The following CTNND2 variants were observed in gnomAD, a reference collection of about 807,000 sequenced individuals.
CTNND2 encodes catenin delta-2.
Under a neutral mutation model 144.4 loss-of-function variants are expected in CTNND2, and 22 were observed. That is an observed-to-expected ratio of 0.15 (90% CI 0.11 to 0.22). CTNND2 has a LOEUF of 0.22. Ranked by LOEUF, CTNND2 falls within the 10% of genes least tolerant of loss-of-function variation. The probability of loss-of-function intolerance (pLI) is 1.00; values close to 1 mark genes in which losing one functional copy is unlikely to be tolerated. For missense variants in CTNND2, 1,353 were observed against 1,618.8 expected (o/e 0.84, Z 2.82); for synonymous variants, 751 against 695.6 (o/e 1.08, Z -1.25).
At chr5:11,125,389 G>A (rs966654037) in intron 12 of CTNND2, among the ~76,000 whole-genome samples, 7 of 152,252 alleles carry the variant, frequency 4.6e-5, no homozygotes, top group African/African-American at 1.4e-4. Flanking sequence ...TCACAAAAGT[G>A]GCTTCTCCTG....
intron 3 of CTNND2, among the ~76,000 whole-genome samples, chr5:11,512,016 A>G (rs1185052277): frequency 6.6e-6 from 1 of 151,994 alleles, no homozygotes; most frequent in Non-Finnish European, 1.5e-5. Context: ...TGGGACAAAG[A>G]CTCCTTTATT....
chr5:11,070,959 C>A (rs780673205), intron 16 of CTNND2, among the ~76,000 whole-genome samples: 1 of 142,486 alleles, frequency 7.0e-6, no homozygotes, highest in African/African-American at 2.7e-5. Flanking sequence ...AGGAGGAGTG[C>A]GTAGGGGAGG....
chr5:11,890,466 T>A (rs1053570579), intron 1 of CTNND2, among the ~76,000 whole-genome samples: 6 of 152,190 alleles, frequency 3.9e-5, no homozygotes, highest in Non-Finnish European at 5.9e-5. Flanking sequence ...TTCATATTGA[T>A]CTCTCACATC....
intron 9 of CTNND2, among the ~76,000 whole-genome samples, chr5:11,240,625 C>T (rs560567811): frequency 3.5e-4 from 47 of 134,470 alleles, no homozygotes; most frequent in East Asian, 7.4e-4. Flanking sequence ...CCAACACAGA[C>T]GTACATACAC....
At chr5:11,606,100 G>A (rs181001598) in intron 2 of CTNND2, among the ~76,000 whole-genome samples, 12 of 152,228 alleles carry the variant, frequency 7.9e-5, no homozygotes, top group African/African-American at 1.4e-4. Flanking sequence ...AAAGATGGAG[G>A]AATGAAGCCA....
chr5:11,177,719 T>C (rs1207028561), intron 11 of CTNND2, among the ~76,000 whole-genome samples: 1 of 152,192 alleles, frequency 6.6e-6, no homozygotes, highest in East Asian at 1.9e-4. Context: ...TGGAAATTTA[T>C]ATCATCCATC....
At chr5:11,892,883 C>G (rs1414916358) in intron 1 of CTNND2, among the ~76,000 whole-genome samples, 3 of 152,194 alleles carry the variant, frequency 2.0e-5, no homozygotes, top group Admixed American at 6.5e-5. Flanking sequence ...TTTCAAAATT[C>G]TTATCCTCCC....
intron 2 of CTNND2, among the ~76,000 whole-genome samples, chr5:11,643,465 T>C (rs1782175632): frequency 1.4e-5 from 2 of 146,354 alleles, no homozygotes; most frequent in South Asian, 2.2e-4. Flanking sequence ...AATTCCCACC[T>C]ATGAGTGAGA....
At chr5:11,237,230 A>G (rs959604233) in intron 9 of CTNND2, among the ~76,000 whole-genome samples, 18 of 152,100 alleles carry the variant, frequency 1.2e-4, no homozygotes, top group African/African-American at 4.3e-4. Context: ...TGTGTTAGCC[A>G]GGATGATCTC....
chr5:11,539,709 C>T (rs1225609170), intron 3 of CTNND2, among the ~76,000 whole-genome samples: 1 of 152,206 alleles, frequency 6.6e-6, no homozygotes, highest in East Asian at 1.9e-4. Context: ...GGCACTGCCA[C>T]ATGCTTGTTC....
At chr5:10,978,851 A>G (rs968056790) in intron 21 of CTNND2, among the ~76,000 whole-genome samples, 1 of 152,200 alleles carries the variant, frequency 6.6e-6, no homozygotes, top group Admixed American at 6.5e-5. Context: ...TTAGCACATT[A>G]ATTCTCATTT....
At chr5:11,580,353 A>T (rs1275144062) in intron 2 of CTNND2, among the ~76,000 whole-genome samples, 1 of 152,210 alleles carries the variant, frequency 6.6e-6, no homozygotes, top group Admixed American at 6.5e-5. Flanking sequence ...GAATGAATAC[A>T]TATTTATGGG....
intron 1 of CTNND2, among the ~76,000 whole-genome samples, chr5:11,778,334 G>C (rs1489160030): frequency 1.3e-5 from 2 of 151,984 alleles, no homozygotes; most frequent in Non-Finnish European, 2.9e-5. Flanking sequence ...GTGGTGCGGG[G>C]AAGAAGACAG....
intron 1 of CTNND2, among the ~76,000 whole-genome samples, chr5:11,883,395 T>G (rs1736277272): frequency 6.6e-6 from 1 of 152,152 alleles, no homozygotes; most frequent in East Asian, 1.9e-4. Flanking sequence ...CGTGTTCTCC[T>G]TATTCAGCTC....
At chr5:11,321,185 G>A (rs1751994311) in intron 9 of CTNND2, among the ~76,000 whole-genome samples, 1 of 152,128 alleles carries the variant, frequency 6.6e-6, no homozygotes, top group Admixed American at 6.5e-5. Context: ...CGGGAAAATT[G>A]ACATAAAAAT....
chr5:11,476,037 T>TCTA (rs1561449194), intron 3 of CTNND2, among the ~76,000 whole-genome samples: 1 of 150,590 alleles, frequency 6.6e-6, no homozygotes, highest in African/African-American at 2.4e-5. Flanking sequence ...TTTTTCTATT[T>TCTA]TTTTTTTTTT....
Position 11,584,715 on chromosome 5 carries a change from T to A in CTNND2, c.175-19659A>T, listed in dbSNP as rs1209817146. ...AACAAAAATGCACCCACTTTTGCTCTGTTTTCTAGGTAAGCTAGTATTAGA... is the reference window on the plus strand; with the variant it reads ...AACAAAAATGCACCCACTTTTGCTCAGTTTTCTAGGTAAGCTAGTATTAGA... On this transcript the variant is annotated intron_variant, in intron 2 of 21. Coordinates refer to ENST00000304623, the MANE Select transcript of CTNND2 (RefSeq NM_001332.4). Among the ~76,000 whole-genome samples, 3 of 152,204 alleles carry A rather than the reference T, an allele frequency of 2.0e-5. No homozygotes were observed. In the East Asian group the frequency reaches 5.8e-4, roughly 29 times the overall value.
At chr5:11,442,620 G>A (rs1225048472) in intron 3 of CTNND2, among the ~76,000 whole-genome samples, 2 of 151,666 alleles carry the variant, frequency 1.3e-5, no homozygotes, top group Non-Finnish European at 2.9e-5. Context: ...GTGCTCCAAG[G>A]GTGAATAGAG....
intron 9 of CTNND2, among the ~76,000 whole-genome samples, chr5:11,281,233 C>A (rs907311564): frequency 6.6e-6 from 1 of 152,076 alleles, no homozygotes; most frequent in Admixed American, 6.6e-5. Flanking sequence ...AGGATAAGGT[C>A]ACTGAGGGAA....
Sources: allele counts gnomAD v4.1 joint callset (sites outside exome capture counted in the v4.1 genomes callset), GRCh38; gene constraint gnomAD v4.1.1; transcripts MANE v1.5; gene names NCBI Gene and HGNC (gene_info 2026-07-23, HGNC 2026-07-21).